Variants in NETO2 observed in about 807,000 individuals in gnomAD.
NETO2 encodes the protein neuropilin and tolloid-like protein 2.
NETO2 carries 28 observed loss-of-function variants against 62.5 expected under a neutral mutation model. That is an observed-to-expected ratio of 0.45 (90% CI 0.33 to 0.61). The LOEUF (loss-of-function observed/expected upper bound fraction) is 0.61, where lower values mean the gene tolerates loss of function less well. Among genes scored for constraint, NETO2 ranks in the 20% least tolerant of loss-of-function variants. The pLI is 0.02. For missense variants in NETO2, 548 were observed against 643.2 expected (o/e 0.85, Z 1.60); for synonymous variants, 214 against 219.1 (o/e 0.98, Z 0.21).
At chr16:47,116,596 T>C (rs1334112831) in intron 6 of NETO2, among the ~76,000 whole-genome samples, 1 of 152,198 alleles carries the variant, frequency 6.6e-6, no homozygotes. Flanking sequence ...ATAATGTCTC[T>C]TTGTCTGTTG....
Position 47,143,578 on chromosome 16 carries a change from C to G in NETO2, c.34+1G>C. ...TCCGTGGCCCCAGCCCCGGTCCTTACCTTTGAGGACCGAGCAGAGCCGCTC... is the reference window on the plus strand; with the variant it reads ...TCCGTGGCCCCAGCCCCGGTCCTTAGCTTTGAGGACCGAGCAGAGCCGCTC... On this transcript the variant is annotated splice_donor_variant, in intron 1 of 8. Transcript: ENST00000562435. LOFTEE classifies it high-confidence loss of function. 1 of 1,223,242 alleles carries G rather than the reference C, an allele frequency of 8.2e-7. No homozygotes were observed. The highest frequency in any genetic ancestry group is 1.0e-6 in the Non-Finnish European group (1 of 978,450). 75.8% of individuals were successfully genotyped at this position (1,223,242 alleles called of 1,614,324 possible).
At chr16:47,104,191 G>C (rs1963619646) in intron 7 of NETO2, among the ~76,000 whole-genome samples, 1 of 151,946 alleles carries the variant, frequency 6.6e-6, no homozygotes, top group South Asian at 2.1e-4. Flanking sequence ...AAAGTTGCAG[G>C]ATGCAAAACC....
chr16:47,118,732 T>G (rs1963973681), intron 6 of NETO2, among the ~76,000 whole-genome samples: 1 of 152,138 alleles, frequency 6.6e-6, no homozygotes, highest in African/African-American at 2.4e-5. Context: ...TCTTATTTTA[T>G]TTGTCTCTCC....
intron 6 of NETO2, among the ~76,000 whole-genome samples, chr16:47,113,585 CTTTT>C (rs953891691): frequency 4.7e-5 from 5 of 106,638 alleles, no homozygotes; most frequent in Admixed American, 9.4e-5. Flanking sequence ...ACAGTTTATT[CTTTT>C]TTTTTTTTTT....
At chr16:47,110,486 T>C (rs1448361383) in intron 6 of NETO2, among the ~76,000 whole-genome samples, 1 of 152,238 alleles carries the variant, frequency 6.6e-6, no homozygotes, top group African/African-American at 2.4e-5. Flanking sequence ...GTATCATGTT[T>C]TTTTGTGGGC....
intron 3 of NETO2, 54 bp from the exon 4 acceptor site, chr16:47,128,627 T>C (rs1964204598): frequency 7.7e-6 from 12 of 1,566,156 alleles, no homozygotes; most frequent in Non-Finnish European, 1.0e-5. Flanking sequence ...AGAATATAAA[T>C]GTATTGACAC....
chr16:47,142,020 G>C lies in NETO2; in HGVS notation c.34+1559C>G, dbSNP rs558583060. On this transcript the variant is annotated intron_variant, in intron 1 of 8. Transcript: ENST00000562435. ...GATCTACGCGATTTCATCCGGGGGT[G>C]CTCTCGGATGCACGGTCAGTAGCAT... Among the ~76,000 whole-genome samples the C allele has an allele frequency of 2.3e-3, 349 of 152,326 alleles. 2 individuals carry two copies. The highest frequency in any genetic ancestry group is 0.017 in the Middle Eastern group (5 of 294).
chr16:47,100,693 GA>G (rs1420637775), intron 7 of NETO2, among the ~76,000 whole-genome samples: 2 of 152,120 alleles, frequency 1.3e-5, no homozygotes, highest in African/African-American at 4.8e-5. Context: ...AAATAAACTA[GA>G]AAATATAGAA....
Position 47,116,958 on chromosome 16 carries a change from TTC to T in NETO2, c.654+5697_654+5698del, listed in dbSNP as rs1021248204. Among the ~76,000 whole-genome samples, 21 of 152,316 alleles carry T rather than the reference TTC, an allele frequency of 1.4e-4. No individual in the cohort carries two copies. The East Asian group carries it at 3.5e-3, about 25-fold the overall frequency. On this transcript the variant is annotated intron_variant, in intron 6 of 8. Transcript: ENST00000562435. ...ATTGGTAGGGTCGGTAGTGATAGAA[TTC>T]TCTCTTTCATTCCTGATACTGGTAA...
At chr16:47,125,277 T>C (rs1964132331) in intron 4 of NETO2, among the ~76,000 whole-genome samples, 1 of 152,160 alleles carries the variant, frequency 6.6e-6, no homozygotes, top group South Asian at 2.1e-4. Flanking sequence ...CTGTGGACTA[T>C]TTCACAAGGC....
At chr16:47,108,984 T>C (rs924073948) in intron 7 of NETO2, among the ~76,000 whole-genome samples, 5 of 152,214 alleles carry the variant, frequency 3.3e-5, no homozygotes, top group Admixed American at 1.3e-4. Flanking sequence ...TTAATACTAC[T>C]ACTAAGTTAG....
chr16:47,099,664 GTC>G (rs1180735890), intron 7 of NETO2, among the ~76,000 whole-genome samples: 1 of 151,976 alleles, frequency 6.6e-6, no homozygotes, highest in African/African-American at 2.4e-5. Context: ...TTGCACTCTA[GTC>G]TCTGATAAAA....
intron 7 of NETO2, among the ~76,000 whole-genome samples, chr16:47,102,253 C>T (rs2143864698): frequency 6.6e-6 from 1 of 152,180 alleles, no homozygotes; most frequent in African/African-American, 2.4e-5. Context: ...GAAACTGGAC[C>T]CCTTCCAGAA....
At chr16:47,132,142 A>G in intron 1 of NETO2, 117 bp from the exon 2 acceptor site, 1 of 770,200 alleles carries the variant, frequency 1.3e-6, no homozygotes, top group Non-Finnish European at 2.2e-6. Context: ...TTTATTACTC[A>G]AAATTCACTC....
intron 4 of NETO2, among the ~76,000 whole-genome samples, chr16:47,126,635 T>G (rs1415521686): frequency 6.6e-6 from 1 of 152,162 alleles, no homozygotes; most frequent in African/African-American, 2.4e-5. Flanking sequence ...CTTTGGGTGA[T>G]AATGATGCAT....
chr16:47,105,559 C>A (rs543292850), intron 7 of NETO2, among the ~76,000 whole-genome samples: 1 of 151,928 alleles, frequency 6.6e-6, no homozygotes, highest in Non-Finnish European at 1.5e-5. Context: ...GAAAAGACAA[C>A]AAACAGAGTG....
intron 1 of NETO2, 38 bp from the exon 2 acceptor site, chr16:47,132,063 A>G: frequency 6.9e-7 from 1 of 1,455,198 alleles, no homozygotes; most frequent in Non-Finnish European, 9.6e-7. Context: ...ATGAAATTGA[A>G]TCTATACTAC....
At chr16:47,131,612 A>G (rs1462610261) in intron 2 of NETO2, among the ~76,000 whole-genome samples, 3 of 152,220 alleles carry the variant, frequency 2.0e-5, no homozygotes, top group Non-Finnish European at 4.4e-5. Flanking sequence ...GAACCAAAGG[A>G]CTTTGAATAA....
In NETO2 at chr16:47,136,540, G is replaced by C. The variant is rs562630017; in HGVS notation, c.35-4515C>G. On this transcript the variant is annotated intron_variant, in intron 1 of 8. Transcript: ENST00000562435. ...CGTACCTCAGTTTCCTGAGTAGCTG[G>C]GACTACAGGCATGCGCCACCACGGC... 2.0e-5 allele frequency among the ~76,000 whole-genome samples: 3 copies of C among 152,186 alleles called. No individual in the cohort carries two copies. In the South Asian group the frequency reaches 6.2e-4, roughly 32 times the overall value.
Sources: allele counts gnomAD v4.1 joint callset (sites outside exome capture counted in the v4.1 genomes callset), GRCh38; gene constraint gnomAD v4.1.1; transcripts MANE v1.5; gene names NCBI Gene and HGNC (gene_info 2026-07-23, HGNC 2026-07-21).